The following GRAMD1B variants were observed in gnomAD, a reference collection of about 807,000 sequenced individuals.
The protein encoded by GRAMD1B is protein Aster-B.
In GRAMD1B, 37 loss-of-function variants were observed where a neutral mutation model predicts 99.7. The observed-to-expected ratio is 0.37, with a 90% CI of 0.29 to 0.49. The LOEUF is 0.49. GRAMD1B is among the 20% of genes least tolerant of loss of function. The pLI, the probability that GRAMD1B is intolerant of heterozygous loss-of-function variation, is 0.98. For missense variants in GRAMD1B, 888 were observed against 1,009.2 expected (o/e 0.88, Z 1.63); for synonymous variants, 427 against 387.6 (o/e 1.10, Z -1.19).
intron 1 of GRAMD1B, among the ~76,000 whole-genome samples, chr11:123,472,590 A>T (rs2134688481): frequency 6.6e-6 from 1 of 152,320 alleles, no homozygotes; most frequent in Admixed American, 6.5e-5. Context: ...CACTCTTGTG[A>T]GAGAGAGGGG....
intron 7 of GRAMD1B, chr11:123,598,255 T>C: frequency 7.2e-7 from 1 of 1,387,864 alleles, no homozygotes. Flanking sequence ...ATTTAGGCCA[T>C]GAAGCATATA....
intron 1 of GRAMD1B, among the ~76,000 whole-genome samples, chr11:123,423,910 C>T (rs1056996364): frequency 6.6e-6 from 1 of 152,130 alleles, no homozygotes; most frequent in African/African-American, 2.4e-5. Flanking sequence ...AAGCACTCAG[C>T]ACAGCGCCTG....
At chr11:123,537,325 T>C (rs1944067560) in intron 2 of GRAMD1B, among the ~76,000 whole-genome samples, 1 of 152,252 alleles carries the variant, frequency 6.6e-6, no homozygotes, top group Non-Finnish European at 1.5e-5. Context: ...ACTGGGAGAT[T>C]CTTTGTTTCA....
At chr11:123,419,768 AGAGG>A (rs1948365529) in intron 1 of GRAMD1B, among the ~76,000 whole-genome samples, 1 of 151,488 alleles carries the variant, frequency 6.6e-6, no homozygotes, top group African/African-American at 2.4e-5. Flanking sequence ...AGAAAGAGAG[AGAGG>A]GAGCAAGAAA....
chr11:123,614,248 G>A (rs557069339), intron 16 of GRAMD1B, among the ~76,000 whole-genome samples: 31 of 152,332 alleles, frequency 2.0e-4, no homozygotes, highest in Middle Eastern at 6.8e-3. Context: ...GAGAGTGGGG[G>A]AAGAGTGCCA....
intron 9 of GRAMD1B, among the ~76,000 whole-genome samples, 178 bp from the exon 10 acceptor site, chr11:123,605,144 A>G (rs1952538888): frequency 6.6e-6 from 1 of 152,184 alleles, no homozygotes; most frequent in South Asian, 2.1e-4. Context: ...GATATGAAGG[A>G]GATTTCAGAA....
At chr11:123,403,780 G>A (rs957745724) in intron 1 of GRAMD1B, among the ~76,000 whole-genome samples, 3 of 151,998 alleles carry the variant, frequency 2.0e-5, no homozygotes, top group African/African-American at 7.2e-5. Context: ...CTGACCTCAG[G>A]TGATCTGCCC....
intron 2 of GRAMD1B, among the ~76,000 whole-genome samples, chr11:123,574,091 AAAG>A (rs984978638): frequency 6.6e-6 from 1 of 151,652 alleles, no homozygotes; most frequent in East Asian, 1.9e-4. Context: ...AAAAAAAAAA[AAAG>A]AAGAAAGAGC....
At chr11:123,497,991 A>T (rs906575275) in intron 2 of GRAMD1B, among the ~76,000 whole-genome samples, 1 of 151,542 alleles carries the variant, frequency 6.6e-6, no homozygotes, top group Admixed American at 6.6e-5. Context: ...CTTCCCGGCC[A>T]GAGGAGCCTC....
At chr11:123,467,275 G>A (rs1452196871) in intron 1 of GRAMD1B, among the ~76,000 whole-genome samples, 3 of 151,970 alleles carry the variant, frequency 2.0e-5, no homozygotes, top group Non-Finnish European at 2.9e-5. Context: ...TTGCACCTAG[G>A]AGTTTAAGAT....
rs1011131483 is a variant in GRAMD1B, at chr11:123,492,347, T to C, written c.452+11454T>C. Among the ~76,000 whole-genome samples, 1 of 152,146 alleles carries C rather than the reference T, an allele frequency of 6.6e-6. No individual in the cohort carries two copies. The highest frequency in any genetic ancestry group is 2.1e-4 in the South Asian group (1 of 4,814). ...CGTCTCTGGGGTGTGGATCATTCTC[T>C]TCCACTTACAGAGACCTAAGCAGTA... On this transcript the variant is annotated intron_variant, in intron 2 of 19. Coordinates refer to ENST00000635736, the MANE Select transcript of GRAMD1B (RefSeq NM_001387025.1). The surrounding 1 kb of genome is among the most constrained non-coding windows in gnomAD (Gnocchi z 4.2).
Position 123,430,646 on chromosome 11 carries a change from C to G in GRAMD1B, c.-147C>G, listed in dbSNP as rs1948830749. 4 of 508,274 alleles carry G rather than the reference C, an allele frequency of 7.9e-6. No homozygotes were observed. Among genetic ancestry groups the G allele is most frequent in the Non-Finnish European group, 3.4e-6 (1 of 290,486 alleles). 31.5% of individuals were successfully genotyped at this position (508,274 alleles called of 1,614,324 possible). ...ACGCCGCGTCCCCTCGCGTCCCTTC[C>G]TCGCTGCGCTCCGGGAAAGGAACTT... On this transcript the variant is annotated 5_prime_UTR_variant, in exon 1 of 20. Transcript: ENST00000635736.
chr11:123,584,543 G>T (rs921555739), intron 4 of GRAMD1B, among the ~76,000 whole-genome samples: 14 of 151,930 alleles, frequency 9.2e-5, no homozygotes, highest in African/African-American at 3.4e-4. Flanking sequence ...GACCAAGGAG[G>T]CGTGGCCAGC....
At chr11:123,576,200 T>C (rs1043289338) in intron 2 of GRAMD1B, among the ~76,000 whole-genome samples, 5 of 152,200 alleles carry the variant, frequency 3.3e-5, no homozygotes, top group African/African-American at 1.2e-4. Flanking sequence ...TGCATCTTCA[T>C]GCAAATGACA....
At chr11:123,495,598 C>T (rs1939150653) in intron 2 of GRAMD1B, among the ~76,000 whole-genome samples, 1 of 152,102 alleles carries the variant, frequency 6.6e-6, no homozygotes, top group South Asian at 2.1e-4. Context: ...TTCTTCTACT[C>T]TCTTTCTCCA....
At chr11:123,621,267 C>T (rs1458532775) in intron 19 of GRAMD1B, among the ~76,000 whole-genome samples, 3 of 152,102 alleles carry the variant, frequency 2.0e-5, no homozygotes, top group Admixed American at 1.3e-4. Flanking sequence ...GCAGTTTACC[C>T]AGAGACAGTA....
At chr11:123,603,369 T>C in intron 8 of GRAMD1B, 57 bp from the exon 9 acceptor site, 1 of 1,054,266 alleles carries the variant, frequency 9.5e-7, no homozygotes, top group South Asian at 1.3e-5. Flanking sequence ...AGTGCCTCTG[T>C]GCAGAGTCGG....
rs149784046 is a variant in GRAMD1B at position 123,492,428 on chromosome 11, G to C, written c.452+11535G>C. Among the ~76,000 whole-genome samples the C allele has an allele frequency of 6.6e-6, 1 of 152,060 alleles. No homozygotes were observed. Among genetic ancestry groups the C allele is most frequent in the Admixed American group, 6.6e-5 (1 of 15,254 alleles). The stretch of plus-strand genomic sequence containing the variant: ...TCTATATCACCTCGTCGGGCACTTT[G>C]GTCTGACTCCAGAATTATTTGAGCA... On this transcript the variant is annotated intron_variant, in intron 2 of 19. Transcript: ENST00000635736. This position sits in a 1 kb window ranked among gnomAD's most constrained non-coding sequence, Gnocchi z 4.2.
At chr11:123,544,386 T>C (rs1174633527) in intron 2 of GRAMD1B, among the ~76,000 whole-genome samples, 2 of 152,226 alleles carry the variant, frequency 1.3e-5, no homozygotes, top group African/African-American at 4.8e-5. Flanking sequence ...ACCAAACCCC[T>C]GACCACCTTT....
Sources: gnomAD v4.1 joint callset for allele counts (sites outside exome capture counted in the v4.1 genomes callset) on GRCh38, gnomAD v4.1.1 for gene constraint, Gnocchi (gnomAD v3.1) non-coding constraint, MANE v1.5 for transcripts, NCBI Gene and HGNC (gene_info 2026-07-23, HGNC 2026-07-21) for gene names.